The following SOX6 variants were observed in gnomAD, a reference collection of about 807,000 sequenced individuals.
The protein encoded by SOX6 is transcription factor SOX-6.
In SOX6, 11 loss-of-function variants were observed where a neutral mutation model predicts 97.8. The observed-to-expected ratio is 0.11, with a 90% CI of 0.07 to 0.19. The LOEUF is 0.19. SOX6 is among the 10% of genes least tolerant of loss of function. The pLI is 1.00. For synonymous variants in SOX6, 360 were observed against 371.4 expected, an observed-to-expected ratio of 0.97 and a Z score of 0.35; for missense variants, 810 against 1,039.5, an observed-to-expected ratio of 0.78 and a Z score of 3.04.
chr11:16,146,420 AC>A (rs1850299636), intron 6 of SOX6, among the ~76,000 whole-genome samples: 1 of 152,204 alleles, frequency 6.6e-6, no homozygotes, highest in African/African-American at 2.4e-5. Context: ...CCTAGGCAAT[AC>A]CATTCAGGAC....
chr11:16,528,360 T>C (rs1861196895), intron 4 of SOX6, among the ~76,000 whole-genome samples: 1 of 152,150 alleles, frequency 6.6e-6, no homozygotes, highest in South Asian at 2.1e-4. Flanking sequence ...GAAGACGTTA[T>C]TCTCATCTTT....
At chr11:15,997,523 C>T (rs1393725759) in intron 13 of SOX6, among the ~76,000 whole-genome samples, 1 of 152,082 alleles carries the variant, frequency 6.6e-6, no homozygotes, top group African/African-American at 2.4e-5. Context: ...ATTGGTTTAA[C>T]ATTTGAAAAT....
In SOX6 at chr11:16,025,499, AT is replaced by A. The variant is rs546464409; in HGVS notation, c.1624-10450del. ...ATAAAATTAATGACCAGCTAAGCAAATGTCTTTGTCCAAAAAGGTATCTTGG... is the reference window on the plus strand; with the variant it reads ...ATAAAATTAATGACCAGCTAAGCAAAGTCTTTGTCCAAAAAGGTATCTTGG... On this transcript the variant is annotated intron_variant, in intron 12 of 15. Coordinates refer to ENST00000683767, the MANE Select transcript of SOX6 (RefSeq NM_001367873.1). Among the ~76,000 whole-genome samples, 9 of 152,284 alleles carry A rather than the reference AT, an allele frequency of 5.9e-5. 1 individual carries two copies. In the South Asian group the frequency reaches 1.9e-3, roughly 32 times the overall value.
intron 4 of SOX6, among the ~76,000 whole-genome samples, chr11:16,550,269 G>T (rs376895160): frequency 2.0e-5 from 3 of 152,042 alleles, no homozygotes; most frequent in East Asian, 3.9e-4. Flanking sequence ...TGAACAATGA[G>T]AACACTTGCA....
chr11:16,648,453 C>T (rs1337493171), intron 3 of SOX6, among the ~76,000 whole-genome samples: 3 of 152,138 alleles, frequency 2.0e-5, no homozygotes, highest in Non-Finnish European at 4.4e-5. Flanking sequence ...CCTGGGAGCC[C>T]ATCACCTGAG....
At chr11:16,515,862 A>G (rs1447271835) in intron 4 of SOX6, among the ~76,000 whole-genome samples, 1 of 108,568 alleles carries the variant, frequency 9.2e-6, no homozygotes, top group Non-Finnish European at 2.0e-5. Context: ...AGTTGTAGAT[A>G]TGCGGCGTTA....
At chr11:16,278,380 A>G (rs1854460019) in intron 3 of SOX6, among the ~76,000 whole-genome samples, 3 of 152,144 alleles carry the variant, frequency 2.0e-5, no homozygotes, top group Admixed American at 2.0e-4. Context: ...ATTATCCTAT[A>G]AACAATACAG....
At chr11:16,082,777 T>A (rs2133957427) in intron 9 of SOX6, among the ~76,000 whole-genome samples, 1 of 152,322 alleles carries the variant, frequency 6.6e-6, no homozygotes, top group Admixed American at 6.5e-5. Flanking sequence ...TACCTTATAC[T>A]ACTTTACCAT....
intron 3 of SOX6, among the ~76,000 whole-genome samples, chr11:16,292,303 C>A (rs577768249): frequency 3.9e-5 from 6 of 152,102 alleles, no homozygotes; most frequent in African/African-American, 1.4e-4. Flanking sequence ...TTAATTATAT[C>A]CTTCAATGTA....
At chr11:16,710,196 G>C (rs75821901) in intron 3 of SOX6, among the ~76,000 whole-genome samples, 5,037 of 152,274 alleles carry the variant, frequency 0.033, 122 homozygotes, top group Non-Finnish European at 0.054. Flanking sequence ...CTTGAAGGGA[G>C]AGATAGGTGT....
intron 1 of SOX6, among the ~76,000 whole-genome samples, chr11:16,347,661 GC>G (rs1299933666): frequency 1.3e-5 from 2 of 152,138 alleles, no homozygotes; most frequent in East Asian, 3.9e-4. Flanking sequence ...TAATATGGAA[GC>G]CCAAGTACAG....
At chr11:16,044,975 T>G (rs1274657334) in intron 12 of SOX6, among the ~76,000 whole-genome samples, 3 of 151,628 alleles carry the variant, frequency 2.0e-5, no homozygotes, top group Admixed American at 6.6e-5. Context: ...TGTCTATCTA[T>G]CTATCTATCT....
At chr11:16,439,695 G>A (rs1002419288) in intron 1 of SOX6, among the ~76,000 whole-genome samples, 1 of 152,106 alleles carries the variant, frequency 6.6e-6, no homozygotes, top group Admixed American at 6.6e-5. Flanking sequence ...TTCACAAACT[G>A]TCTTTTCATG....
chr11:16,574,817 T>A (rs971632654), intron 4 of SOX6, among the ~76,000 whole-genome samples: 1 of 151,874 alleles, frequency 6.6e-6, no homozygotes, highest in Non-Finnish European at 1.5e-5. Context: ...CTAAGGCAGG[T>A]GGATCACAAG....
chr11:16,566,095 CAAA>C (rs67916329), intron 4 of SOX6, among the ~76,000 whole-genome samples: 4 of 98,768 alleles, frequency 4.0e-5, no homozygotes, highest in Admixed American at 2.3e-4. Context: ...GACTCCGTCT[CAAA>C]AAAAAAAAAA....
chr11:16,624,590 T>C (rs1366947864), intron 3 of SOX6, among the ~76,000 whole-genome samples: 1 of 152,246 alleles, frequency 6.6e-6, no homozygotes, highest in Non-Finnish European at 1.5e-5. Context: ...ATAAAACTGC[T>C]ATAAACATTC....
intron 4 of SOX6, among the ~76,000 whole-genome samples, chr11:16,594,398 C>A (rs560695599): frequency 6.6e-6 from 1 of 152,224 alleles, no homozygotes; most frequent in South Asian, 2.1e-4. Context: ...AATCTGATAT[C>A]AAAAAGCTAA....
chr11:15,986,279 T>A lies in SOX6; in HGVS notation c.2108A>T (p.Lys703Ile). The A allele has an allele frequency of 6.2e-7, 1 of 1,614,182 alleles. No homozygotes were observed. Among genetic ancestry groups the A allele is most frequent in the Non-Finnish European group, 8.5e-7 (1 of 1,180,014 alleles). ...RPKRTCIVDG[K>I]KLRIGEYKQL... ...CTTATACTCCCCAATCCGAAGCTTTTTGCCATCAACAATGCAGGTGCGTTT... is the reference window on the plus strand; with the variant it reads ...CTTATACTCCCCAATCCGAAGCTTTATGCCATCAACAATGCAGGTGCGTTT... Residue 703 changes from lysine (K) to isoleucine (I), a missense_variant, in exon 15 of 16, where the codon AAA becomes ATA. Transcript: ENST00000683767.
intron 4 of SOX6, among the ~76,000 whole-genome samples, chr11:16,189,315 CA>C (rs1175780752): frequency 6.6e-6 from 1 of 151,896 alleles, no homozygotes; most frequent in African/African-American, 2.4e-5. Context: ...ATTGCAATGA[CA>C]AGGAAACTAC....
Sources: allele counts gnomAD v4.1 joint callset (sites outside exome capture counted in the v4.1 genomes callset), GRCh38; gene constraint gnomAD v4.1.1; transcripts MANE v1.5; gene names NCBI Gene and HGNC (gene_info 2026-07-23, HGNC 2026-07-21).